Variants in ST3GAL1 observed in about 807,000 individuals in gnomAD.
ST3GAL1 encodes ST3 beta-galactoside alpha-2,3-sialyltransferase 1.
A neutral mutation model predicts 34.1 loss-of-function variants in ST3GAL1; 16 were observed. The ratio of observed to expected loss-of-function variants is 0.47; its 90% CI spans 0.32 to 0.71. The LOEUF (loss-of-function observed/expected upper bound fraction) is 0.71, where lower values mean the gene tolerates loss of function less well. ST3GAL1 is among the 30% of genes least tolerant of loss of function. The probability of loss-of-function intolerance (pLI) is 0.04; values close to 1 mark genes in which losing one functional copy is unlikely to be tolerated. For missense variants in ST3GAL1, 353 were observed against 447.4 expected, an observed-to-expected ratio of 0.79 and a Z score of 1.90; for synonymous variants, 191 against 184.7, an observed-to-expected ratio of 1.03 and a Z score of -0.28.
intron 1 of ST3GAL1, among the ~76,000 whole-genome samples, chr8:133,547,033 C>T (rs1375639386): frequency 2.0e-5 from 3 of 149,702 alleles, no homozygotes; most frequent in Non-Finnish European, 4.4e-5. Context: ...CTTCATCTGA[C>T]AGGAAGAATA....
At chr8:133,542,734 T>C (rs1006226992) in intron 2 of ST3GAL1, among the ~76,000 whole-genome samples, 5 of 140,706 alleles carry the variant, frequency 3.6e-5, no homozygotes, top group African/African-American at 8.3e-5. Context: ...AAGATCAAGA[T>C]TGCACCACTG....
chr8:133,482,426 C>T (rs1477370390), intron 3 of ST3GAL1, among the ~76,000 whole-genome samples: 2 of 152,106 alleles, frequency 1.3e-5, no homozygotes, highest in Admixed American at 6.5e-5. Context: ...CCAGAGGTGC[C>T]GAGGCAAACC....
chr8:133,557,522 C>T (rs1394024522), intron 1 of ST3GAL1, among the ~76,000 whole-genome samples: 2 of 152,142 alleles, frequency 1.3e-5, no homozygotes, highest in African/African-American at 4.8e-5. Context: ...TGAGCTGTCG[C>T]ACCAGCCAGG....
intron 3 of ST3GAL1, among the ~76,000 whole-genome samples, chr8:133,493,771 G>A (rs1488628780): frequency 6.6e-6 from 1 of 151,940 alleles, no homozygotes; most frequent in Non-Finnish European, 1.5e-5. Context: ...ACTTGAACCT[G>A]GGAGGTGGAG....
Position 133,461,726 on chromosome 8 carries a change from A to G in ST3GAL1, c.849+149T>C, listed in dbSNP as rs991095447. The G allele has an allele frequency of 6.3e-6, 7 of 1,111,730 alleles. No individual in the cohort carries two copies. Among genetic ancestry groups the G allele is most frequent in the East Asian group, 2.4e-5 (1 of 41,510 alleles). 68.9% of individuals were successfully genotyped at this position (1,111,730 alleles called of 1,614,324 possible). ...CTCACTAAAACACCCTGGGAGACAC[A>G]TGTTGCAAGTCCTGTCGTAGAGACA... On this transcript the variant is annotated intron_variant, in intron 9 of 9. Transcript: ENST00000522652. This position sits in a 1 kb window ranked among gnomAD's most constrained non-coding sequence, Gnocchi z 4.7.
chr8:133,543,654 A>T (rs1469001295), intron 2 of ST3GAL1, among the ~76,000 whole-genome samples: 9 of 152,186 alleles, frequency 5.9e-5, no homozygotes, highest in Non-Finnish European at 1.2e-4. Context: ...TTGAGAAAAA[A>T]ATCAATATAT....
At chr8:133,483,061 G>A (rs886977617) in intron 3 of ST3GAL1, among the ~76,000 whole-genome samples, 2 of 152,124 alleles carry the variant, frequency 1.3e-5, no homozygotes, top group Non-Finnish European at 2.9e-5. Flanking sequence ...GCTCACGCAG[G>A]CCGGGCATGG....
At chr8:133,534,498 T>C (rs931037290) in intron 2 of ST3GAL1, among the ~76,000 whole-genome samples, 2 of 152,154 alleles carry the variant, frequency 1.3e-5, no homozygotes, top group African/African-American at 4.8e-5. Flanking sequence ...GGCCGTGGGA[T>C]ATTTTGGCAG....
At chr8:133,548,093 A>T (rs1818721519) in intron 1 of ST3GAL1, among the ~76,000 whole-genome samples, 1 of 152,348 alleles carries the variant, frequency 6.6e-6, no homozygotes, top group African/African-American at 2.4e-5. Flanking sequence ...GAACATGACC[A>T]GAGTCAGCAC....
chr8:133,527,945 T>C (rs923848186), intron 2 of ST3GAL1, among the ~76,000 whole-genome samples: 2 of 149,778 alleles, frequency 1.3e-5, no homozygotes, highest in Admixed American at 1.3e-4. Flanking sequence ...GAGGCCAAAG[T>C]GGGCAGATCG....
chr8:133,532,769 C>T (rs1451835908), intron 2 of ST3GAL1, among the ~76,000 whole-genome samples: 5 of 152,100 alleles, frequency 3.3e-5, no homozygotes, highest in African/African-American at 7.2e-5. Context: ...GTTCTTCCTG[C>T]CCTTGTGCAG....
At chr8:133,491,535 T>C (rs1816785682) in intron 3 of ST3GAL1, among the ~76,000 whole-genome samples, 1 of 149,076 alleles carries the variant, frequency 6.7e-6, no homozygotes, top group Non-Finnish European at 1.5e-5. Flanking sequence ...ATTCACAGTC[T>C]GACACGTGGC....
chr8:133,462,869 CTG>C (rs1217288961), intron 8 of ST3GAL1, among the ~76,000 whole-genome samples: 1 of 152,204 alleles, frequency 6.6e-6, no homozygotes, highest in Admixed American at 6.5e-5. Context: ...CCAGAACTAG[CTG>C]TGTGTCTCTG....
chr8:133,463,136 G>A (rs1390143111), intron 8 of ST3GAL1, among the ~76,000 whole-genome samples: 1 of 152,216 alleles, frequency 6.6e-6, no homozygotes, highest in Non-Finnish European at 1.5e-5. Flanking sequence ...ACCAGAATGC[G>A]GGGCAGCCAG....
At chr8:133,501,146 T>C (rs1817139395) in intron 2 of ST3GAL1, among the ~76,000 whole-genome samples, 1 of 152,140 alleles carries the variant, frequency 6.6e-6, no homozygotes, top group African/African-American at 2.4e-5. Flanking sequence ...AAAGGTAACA[T>C]GAGCGAGGAT....
At chr8:133,492,156 G>C (rs534961909) in intron 3 of ST3GAL1, among the ~76,000 whole-genome samples, 1 of 152,208 alleles carries the variant, frequency 6.6e-6, no homozygotes, top group East Asian at 1.9e-4. Flanking sequence ...AAGCAGGTGG[G>C]AGAACAGAGG....
chr8:133,463,448 G>C lies in ST3GAL1; in HGVS notation c.695C>G (p.Pro232Arg), dbSNP rs762669104. Reference sequence around the variant, plus strand: ...TTTCACTCTGATCTTTGCAGGAACCGGGATGTAGGTGCTGCAGTTGGAGAA... The same window carrying C: ...TTTCACTCTGATCTTTGCAGGAACCCGGATGTAGGTGCTGCAGTTGGAGAA... ...TTGTISHTYI[P>R]VPAKIRVKQD... Residue 232 changes from proline to arginine, a missense_variant, in exon 8 of 10, where the codon CCG becomes CGG. By Grantham distance (103) the Pro-to-Arg change is moderately radical. Coordinates refer to ENST00000522652, the MANE Select transcript of ST3GAL1 (RefSeq NM_173344.3). 9 of 1,613,962 alleles carry C rather than the reference G, an allele frequency of 5.6e-6. No homozygotes were observed. The Middle Eastern group carries it at 9.9e-4, about 177-fold the overall frequency.
At chr8:133,481,849 T>C (rs532484393) in intron 3 of ST3GAL1, among the ~76,000 whole-genome samples, 4 of 152,026 alleles carry the variant, frequency 2.6e-5, no homozygotes, top group African/African-American at 9.6e-5. Flanking sequence ...TCTGGACCCA[T>C]GAAACTTAAG....
chr8:133,512,000 C>G (rs1482584615), intron 2 of ST3GAL1, among the ~76,000 whole-genome samples: 1 of 152,194 alleles, frequency 6.6e-6, no homozygotes, highest in Non-Finnish European at 1.5e-5. Context: ...TTGCAGTGAG[C>G]TGAGAATGAG....
Sources: allele counts gnomAD v4.1 joint callset (sites outside exome capture counted in the v4.1 genomes callset), GRCh38; gene constraint gnomAD v4.1.1; non-coding constraint Gnocchi (gnomAD v3.1); transcripts MANE v1.5; gene names NCBI Gene and HGNC (gene_info 2026-07-23, HGNC 2026-07-21).